GPHN: variants seen among roughly 807,000 people sequenced by gnomAD.
The protein encoded by GPHN is gephyrin.
Under a neutral mutation model 95.5 loss-of-function variants are expected in GPHN, and 17 were observed. That is an observed-to-expected ratio of 0.18 (90% confidence interval 0.12 to 0.27). The LOEUF is 0.27. GPHN is among the 10% of genes least tolerant of loss of function. The pLI, the probability that GPHN is intolerant of heterozygous loss-of-function variation, is 1.00. For missense variants in GPHN, 660 were observed against 978.1 expected, an observed-to-expected ratio of 0.67 and a Z score of 4.34; for synonymous variants, 320 against 322.5, an observed-to-expected ratio of 0.99 and a Z score of 0.08.
chr14:67,217,069 T>G, the GPHN span, among the ~76,000 whole-genome samples: 1 of 152,218 alleles, frequency 6.6e-6, no homozygotes, highest in African/African-American at 2.4e-5. Flanking sequence ...TAATATTTGC[T>G]TTATAAATCT....
chr14:67,163,463 GA>G (rs533398464), intron 19 of GPHN, among the ~76,000 whole-genome samples: 13 of 148,786 alleles, frequency 8.7e-5, no homozygotes, highest in Admixed American at 2.7e-4. Context: ...GGTGCCACAG[GA>G]AAAAAAAAAT....
chr14:67,256,797 G>GACACACACAC, the GPHN span, among the ~76,000 whole-genome samples: 10,403 of 147,700 alleles, frequency 0.07, 1,156 homozygotes, highest in African/African-American at 0.23. Flanking sequence ...AGAAACTATT[G>GACACACACAC]ACACACACAC....
intron 9 of GPHN, among the ~76,000 whole-genome samples, chr14:67,014,859 GA>G (rs2073211726): frequency 6.6e-6 from 1 of 152,068 alleles, no homozygotes. Context: ...AACATTTTCA[GA>G]ACAAGCACCA....
the GPHN span, chr14:67,364,772 C>T: frequency 1.9e-6 from 3 of 1,607,088 alleles, no homozygotes; most frequent in African/African-American, 1.3e-5. Context: ...TGCAGAATGC[C>T]GGGTCTAAGT....
At chr14:66,763,619 T>C (rs920686330) in intron 2 of GPHN, among the ~76,000 whole-genome samples, 2 of 151,828 alleles carry the variant, frequency 1.3e-5, no homozygotes, top group African/African-American at 2.4e-5. Flanking sequence ...ATGTGCCACA[T>C]TTTCTTAATC....
At chr14:66,709,070 C>T (rs927354288) in intron 2 of GPHN, among the ~76,000 whole-genome samples, 6 of 152,042 alleles carry the variant, frequency 3.9e-5, no homozygotes, top group African/African-American at 1.4e-4. Flanking sequence ...TATAATGTGT[C>T]AGGAGATATT....
intron 9 of GPHN, among the ~76,000 whole-genome samples, chr14:66,973,658 C>A (rs2069983393): frequency 6.6e-6 from 1 of 152,124 alleles, no homozygotes; most frequent in African/African-American, 2.4e-5. Context: ...ACTCGGGAGG[C>A]TGAGGCAGGA....
the GPHN span, chr14:67,583,897 A>G: frequency 1.3e-5 from 21 of 1,612,970 alleles, no homozygotes; most frequent in Non-Finnish European, 1.8e-5. Flanking sequence ...GGTAGGCTAC[A>G]AGGTCTTGCA....
intron 5 of GPHN, among the ~76,000 whole-genome samples, chr14:66,912,232 G>C (rs2065707040): frequency 6.6e-6 from 1 of 151,954 alleles, no homozygotes; most frequent in South Asian, 2.1e-4. Flanking sequence ...GTTAGCTTCT[G>C]AGTACTTTGT....
At chr14:66,743,340 T>G (rs2072961874) in intron 2 of GPHN, among the ~76,000 whole-genome samples, 1 of 152,154 alleles carries the variant, frequency 6.6e-6, no homozygotes, top group Non-Finnish European at 1.5e-5. Flanking sequence ...CAAGGTAACA[T>G]ATTCAATTTT....
chr14:66,824,074 A>G (rs2153492669), intron 3 of GPHN, among the ~76,000 whole-genome samples: 1 of 152,298 alleles, frequency 6.6e-6, no homozygotes, highest in East Asian at 1.9e-4. Flanking sequence ...TAGAAAATAA[A>G]GAGGCAAATC....
chr14:67,646,563 C>A, the GPHN span: 1 of 1,124,790 alleles, frequency 8.9e-7, no homozygotes, highest in South Asian at 1.4e-5. Flanking sequence ...AAGCAGATTG[C>A]ATACCCACGG....
the GPHN span, among the ~76,000 whole-genome samples, chr14:67,626,016 G>C: frequency 1.3e-5 from 2 of 152,170 alleles, no homozygotes; most frequent in Admixed American, 6.5e-5. Context: ...TACTTTGGGA[G>C]GCTGAGGCGG....
chr14:67,378,442 T>TAC, the GPHN span, among the ~76,000 whole-genome samples: 1 of 152,082 alleles, frequency 6.6e-6, no homozygotes. Context: ...ATCCTTTTCT[T>TAC]ACAGTTGAAG....
At chr14:67,134,946 CT>C (rs1191759117) in intron 17 of GPHN, among the ~76,000 whole-genome samples, 3 of 59,162 alleles carry the variant, frequency 5.1e-5, no homozygotes, top group Non-Finnish European at 1.1e-4. Flanking sequence ...CTCTTTCTTT[CT>C]TTCTTCTTTT....
the GPHN span, among the ~76,000 whole-genome samples, chr14:67,423,181 C>T: frequency 6.6e-6 from 1 of 152,058 alleles, no homozygotes; most frequent in Admixed American, 6.6e-5. Context: ...TCTGCTACAG[C>T]AACAAACATT....
chr14:67,499,325 A>G, the GPHN span, among the ~76,000 whole-genome samples: 1 of 152,200 alleles, frequency 6.6e-6, no homozygotes, highest in African/African-American at 2.4e-5. Context: ...ATTGATATCA[A>G]CTGGGTACAC....
At chr14:66,530,266 C>T (rs543673458) in intron 1 of GPHN, among the ~76,000 whole-genome samples, 1 of 152,212 alleles carries the variant, frequency 6.6e-6, no homozygotes, top group South Asian at 2.1e-4. Context: ...ACTGCCTACT[C>T]AAGCCTCAGT....
chr14:66,866,430 T>C (rs2095503616), intron 4 of GPHN, among the ~76,000 whole-genome samples: 1 of 152,192 alleles, frequency 6.6e-6, no homozygotes, highest in Non-Finnish European at 1.5e-5. Flanking sequence ...AAGTGGAATA[T>C]GAAGATACGT....
Sources: allele counts gnomAD v4.1 joint callset (sites outside exome capture counted in the v4.1 genomes callset), GRCh38; gene constraint gnomAD v4.1.1; transcripts MANE v1.5; gene names NCBI Gene and HGNC (gene_info 2026-07-23, HGNC 2026-07-21).